NBR1: variants seen among roughly 807,000 people sequenced by gnomAD.
NBR1 encodes the protein NBR1 autophagy cargo receptor, also known as next to BRCA1 gene 1 protein.
Under a neutral mutation model 115.5 loss-of-function variants are expected in NBR1, and 59 were observed. That is an observed-to-expected ratio of 0.51 (90% CI 0.41 to 0.63). The LOEUF (loss-of-function observed/expected upper bound fraction) is 0.63. Among genes scored for constraint, NBR1 ranks in the 30% least tolerant of loss-of-function variants. The probability of loss-of-function intolerance (pLI) is 0.00; values close to 1 mark genes in which losing one functional copy is unlikely to be tolerated. For synonymous variants in NBR1, 373 were observed against 414.7 expected (o/e 0.90, Z 1.22); for missense variants, 1,043 against 1,150.5 (o/e 0.91, Z 1.35).
chr17:43,204,129 G>A (rs1283923992), intron 20 of NBR1, among the ~76,000 whole-genome samples: 3 of 151,764 alleles, frequency 2.0e-5, no homozygotes, highest in Non-Finnish European at 4.4e-5. Flanking sequence ...TAGTAGAGAC[G>A]ATGTTTCACC....
chr17:43,181,008 A>G (rs759190222), intron 5 of NBR1, among the ~76,000 whole-genome samples, 191 bp downstream of exon 5: 8 of 152,062 alleles, frequency 5.3e-5, no homozygotes, highest in Non-Finnish European at 1.2e-4. Flanking sequence ...AGTAGCTGGA[A>G]CTACAGAAAC....
chr17:43,193,068 G>A (rs1233479387), intron 10 of NBR1, 26 bp from the exon 11 acceptor site: 8 of 1,609,834 alleles, frequency 5.0e-6, no homozygotes, highest in Non-Finnish European at 6.8e-6. Context: ...AACAGCAAGT[G>A]ACTAAGCATC....
Position 43,200,292 on chromosome 17 carries a change from A to G in NBR1, c.2152A>G (p.Lys718Glu). ...GGATGAGGAGGAGGAGGATGAGCTC[A>G]AAGATGAAGTTCAAAGTCAGTCCTC... ...EEDEEEEDEL[K>E]DEVQSQSSAS... The change falls in exon 17 of 21, where the codon AAA (lysine) becomes GAA (glutamate). Residue 718 changes from lysine (K) to glutamate (E), a missense_variant. Lys to Glu is a moderately conservative substitution (Grantham distance 56, BLOSUM62 1). Transcript: ENST00000590996. The G allele has an allele frequency of 6.4e-7, 1 of 1,552,012 alleles. No individual in the cohort carries two copies. The highest frequency in any genetic ancestry group is 2.4e-5 in the East Asian group (1 of 40,930).
chr17:43,209,968 G>A lies in NBR1; in HGVS notation c.2795G>A (p.Arg932Lys), dbSNP rs1271529399. ...CTCTTTGAAATGGGATTCTGTGACA[G>A]GCAGCTGAACCTACGGCTGCTGAAG... The part of the protein sequence containing the change: ...AHLFEMGFCD[R>K]QLNLRLLKKH... Residue 932 changes from arginine to lysine, a missense_variant, in exon 21 of 21, where the codon AGG becomes AAG. Coordinates refer to ENST00000590996, the MANE Select transcript of NBR1 (RefSeq NM_005899.5). 2.5e-6 allele frequency: 4 copies of A among 1,611,624 alleles called. No homozygotes were observed. The Admixed American group carries it at 5.0e-5, about 20-fold the overall frequency.
chr17:43,190,674 A>G lies in NBR1; in HGVS notation c.761A>G (p.His254Arg). Residue 254 changes from histidine to arginine, a missense_variant, in exon 9 of 21, where the codon CAC becomes CGC. Coordinates refer to ENST00000590996, the MANE Select transcript of NBR1 (RefSeq NM_005899.5). ...EAGPYGHDTN[H>R]VLLKLRRPVV... ...GGGCCATATGGCCATGACACTAACC[A>G]CGTCCTGCTGAAGTTGCGGAGACCT... 1.2e-6 allele frequency: 2 copies of G among 1,613,558 alleles called. No homozygotes were observed. The highest frequency in any genetic ancestry group is 1.7e-6 in the Non-Finnish European group (2 of 1,179,710).
At position 43,193,418 on chromosome 17, in the gene NBR1, A is replaced by C. The variant is rs767131293; in HGVS notation, c.1304A>C (p.Lys435Thr). ...EKKDVLVPCLKAGHVGVVSVE... is the reference protein window; with the variant it reads ...EKKDVLVPCLTAGHVGVVSVE... ...AAGGATGTTTTGGTTCCCTGCCTCA[A>C]GGCCGGCCATGTGGGAGTTGTATCT... is the stretch of plus-strand genomic sequence containing the variant. The change falls in exon 12 of 21, where the codon AAG (lysine) becomes ACG (threonine). Residue 435 changes from lysine to threonine, a missense_variant. Physicochemically the swap from Lys to Thr is moderately conservative, Grantham distance 78. Coordinates refer to ENST00000590996, the MANE Select transcript of NBR1 (RefSeq NM_005899.5). 6.8e-6 allele frequency: 11 copies of C among 1,613,952 alleles called. No homozygotes were observed. In the East Asian group the frequency reaches 2.5e-4, roughly 36 times the overall value.
In NBR1 at chr17:43,174,905, C is replaced by T. The variant is rs2056467440; in HGVS notation, c.-9-886C>T. On this transcript the variant is annotated intron_variant, in intron 1 of 20. Coordinates refer to ENST00000590996, the MANE Select transcript of NBR1 (RefSeq NM_005899.5). ...GGTCAGGAGATCGAGACCATTTTGCCTAACACGGTGAAACCCCGTCCCTAC... is the reference window on the plus strand; with the variant it reads ...GGTCAGGAGATCGAGACCATTTTGCTTAACACGGTGAAACCCCGTCCCTAC... Among the ~76,000 whole-genome samples the T allele has an allele frequency of 2.7e-5, 4 of 150,062 alleles. 1 individual carries two copies. In the South Asian group the frequency reaches 6.3e-4, roughly 24 times the overall value.
chr17:43,179,842 C>T (rs1288866617), intron 4 of NBR1, among the ~76,000 whole-genome samples: 1 of 152,126 alleles, frequency 6.6e-6, no homozygotes, highest in East Asian at 1.9e-4. Context: ...ATTAGTTTCC[C>T]ACGATAGCCC....
intron 2 of NBR1, 52 bp from the exon 3 acceptor site, chr17:43,177,884 T>C: frequency 1.5e-6 from 2 of 1,333,886 alleles, no homozygotes. Context: ...TTTTTTTACT[T>C]TGACTTCTGT....
At chr17:43,203,896 T>C in intron 20 of NBR1, 110 bp downstream of exon 20, 1 of 577,616 alleles carries the variant, frequency 1.7e-6, no homozygotes, top group Non-Finnish European at 2.9e-6. Context: ...GGGCATAGGC[T>C]TTAGATTTAG....
chr17:43,196,890 G>A (rs1598000749), intron 15 of NBR1, 52 bp from the exon 16 acceptor site: 1 of 1,592,296 alleles, frequency 6.3e-7, no homozygotes, highest in Non-Finnish European at 8.6e-7. Context: ...ACTGGTGAAT[G>A]TTCCTCAGCA....
chr17:43,173,016 C>T (rs951952179), intron 1 of NBR1, among the ~76,000 whole-genome samples: 30 of 151,992 alleles, frequency 2.0e-4, no homozygotes, highest in Middle Eastern at 3.2e-3. Context: ...TTAGTAGAGA[C>T]GGGGTTTCAC....
chr17:43,180,994 C>T (rs376117293), intron 5 of NBR1, among the ~76,000 whole-genome samples, 177 bp downstream of exon 5: 6 of 152,236 alleles, frequency 3.9e-5, no homozygotes, highest in African/African-American at 1.4e-4. Context: ...ACCTCAGCCT[C>T]CCGAGTAGCT....
rs60320098 is a variant in NBR1 at position 43,177,572 on chromosome 17, AACACACACACACAC to A, written c.103-328_103-315del. ...GTTCCCTACCCCACACCCCACCCAA[AACACACACACACAC>A]ACACACACACACACACACACACACA... is the stretch of plus-strand genomic sequence containing the variant. On this transcript the variant is annotated intron_variant, in intron 2 of 20. Transcript: ENST00000590996. Among the ~76,000 whole-genome samples the A allele has an allele frequency of 9.5e-3, 1,253 of 131,312 alleles. 12 individuals carry two copies. The highest frequency in any genetic ancestry group is 0.013 in the Non-Finnish European group (832 of 63,142). 86.1% of individuals were successfully genotyped at this position (131,312 alleles called of 152,430 possible). A position where few individuals can be genotyped will look rare whatever the true frequency, so the allele number is the denominator to read the frequency against.
intron 5 of NBR1, among the ~76,000 whole-genome samples, chr17:43,184,909 T>C (rs937583376): frequency 3.3e-5 from 5 of 151,508 alleles, no homozygotes; most frequent in African/African-American, 9.7e-5. Context: ...GCTAACATAG[T>C]GAAACCCCAT....
At chr17:43,208,979 A>AAAC (rs1014223007) in intron 20 of NBR1, among the ~76,000 whole-genome samples, 54 of 152,210 alleles carry the variant, frequency 3.5e-4, no homozygotes, top group African/African-American at 1.2e-3. Context: ...AAAACAAACA[A>AAAC]AACAACAACA....
chr17:43,180,751 G>A, intron 4 of NBR1, 44 bp from the exon 5 acceptor site: 1 of 1,416,454 alleles, frequency 7.1e-7, no homozygotes. Context: ...AATCTTTTGG[G>A]GTGTGTGAAG....
chr17:43,179,312 T>C, intron 3 of NBR1, 82 bp from the exon 4 acceptor site: 2 of 1,309,838 alleles, frequency 1.5e-6, no homozygotes, highest in Non-Finnish European at 2.2e-6. Context: ...TTTTTGTCTG[T>C]CCTATGGGGC....
chr17:43,205,176 A>G (rs2057290333), intron 20 of NBR1, among the ~76,000 whole-genome samples: 1 of 152,064 alleles, frequency 6.6e-6, no homozygotes, highest in Non-Finnish European at 1.5e-5. Context: ...CAACATGATG[A>G]AACCCCGTCT....
Sources: gnomAD v4.1 joint callset for allele counts (sites outside exome capture counted in the v4.1 genomes callset) on GRCh38, gnomAD v4.1.1 for gene constraint, MANE v1.5 for transcripts, NCBI Gene and HGNC (gene_info 2026-07-23, HGNC 2026-07-21) for gene names.